The following RBM6 variants were observed in gnomAD, a reference collection of about 807,000 sequenced individuals.
RBM6 encodes RNA binding motif protein 6, also known as RNA-binding protein 6.
Under a neutral mutation model 140.4 loss-of-function variants are expected in RBM6, and 23 were observed. That is an observed-to-expected ratio of 0.16 (90% CI 0.12 to 0.23). RBM6 has a LOEUF of 0.23. RBM6 is among the 10% of genes least tolerant of loss of function. The pLI is 1.00. For missense variants in RBM6, 1,139 were observed against 1,386.7 expected (o/e 0.82, Z 2.84); for synonymous variants, 439 against 475.6 (o/e 0.92, Z 1.00).
At chr3:49,947,116 G>T (rs1326953120) in intron 1 of RBM6, among the ~76,000 whole-genome samples, 1 of 150,998 alleles carries the variant, frequency 6.6e-6, no homozygotes, top group African/African-American at 2.4e-5. Context: ...GCCGGGCGCA[G>T]TGGCAGGCGC....
In RBM6 at chr3:50,061,991, A is replaced by T. The variant is rs997315177; in HGVS notation, c.2469A>T (p.Gly823=). ...AAGTCTATGTGCCCCAGGATCCTGG[A>T]TTACCTGAGGAAGAAGAGATCAAGG... The part of the protein sequence containing the change: ...QQEVYVPQDP[G]LPEEEEIKEK... The change falls in exon 15 of 21, where the codon GGA becomes GGT. Residue 823 remains glycine, a synonymous_variant. Transcript: ENST00000266022. The T allele has an allele frequency of 1.2e-6, 2 of 1,613,962 alleles. No homozygotes were observed. Among genetic ancestry groups the T allele is most frequent in the East Asian group, 2.2e-5 (1 of 44,874 alleles).
intron 1 of RBM6, among the ~76,000 whole-genome samples, chr3:49,955,295 G>A (rs1460889968): frequency 2.0e-5 from 3 of 146,544 alleles, no homozygotes; most frequent in Non-Finnish European, 3.0e-5. Flanking sequence ...CTCAACCTCT[G>A]CAGTATTTGG....
chr3:49,954,439 CAAAAAA>C (rs529547115), intron 1 of RBM6, among the ~76,000 whole-genome samples: 1 of 80,390 alleles, frequency 1.2e-5, no homozygotes, highest in African/African-American at 4.8e-5. Flanking sequence ...GACTCCATCT[CAAAAAA>C]AAAAAAAAAA....
intron 15 of RBM6, among the ~76,000 whole-genome samples, chr3:50,062,575 C>T (rs1439903083): frequency 6.6e-6 from 1 of 151,710 alleles, no homozygotes; most frequent in Non-Finnish European, 1.5e-5. Flanking sequence ...TCTTATATCC[C>T]AACTCTCTCT....
At chr3:50,038,627 C>T (rs1422387347) in intron 6 of RBM6, among the ~76,000 whole-genome samples, 20 of 152,042 alleles carry the variant, frequency 1.3e-4, no homozygotes, top group African/African-American at 4.3e-4. Context: ...GTCCGGAGAT[C>T]GAGAACATCC....
At chr3:49,993,365 G>A (rs2085917704) in intron 5 of RBM6, among the ~76,000 whole-genome samples, 1 of 152,162 alleles carries the variant, frequency 6.6e-6, no homozygotes, top group South Asian at 2.1e-4. Flanking sequence ...TGAAAATTTA[G>A]GTCAGGTGGC....
chr3:49,979,709 A>T (rs1431621278), intron 5 of RBM6, among the ~76,000 whole-genome samples: 1 of 151,954 alleles, frequency 6.6e-6, no homozygotes, highest in Non-Finnish European at 1.5e-5. Flanking sequence ...CCAAAGAGCT[A>T]GCATTACAGG....
At chr3:50,038,442 T>C (rs1403010753) in intron 6 of RBM6, among the ~76,000 whole-genome samples, 2 of 152,230 alleles carry the variant, frequency 1.3e-5, no homozygotes, top group African/African-American at 2.4e-5. Context: ...CAATGAAGCA[T>C]GCCTTGATGT....
chr3:49,959,130 A>G (rs1021220111), intron 1 of RBM6, among the ~76,000 whole-genome samples: 2 of 149,222 alleles, frequency 1.3e-5, no homozygotes, highest in Non-Finnish European at 3.0e-5. Context: ...CAAGGTCTGT[A>G]TAGTGGTAAT....
chr3:49,965,074 GATATTTTAT>G (rs1416551098), intron 2 of RBM6, among the ~76,000 whole-genome samples: 1 of 152,076 alleles, frequency 6.6e-6, no homozygotes, highest in Non-Finnish European at 1.5e-5. Context: ...CATAACTACT[GATATTTTAT>G]ATTAGTAGAA....
intron 1 of RBM6, among the ~76,000 whole-genome samples, chr3:49,950,769 A>G (rs951857390): frequency 6.6e-6 from 1 of 152,056 alleles, no homozygotes; most frequent in African/African-American, 2.4e-5. Flanking sequence ...AAAAAACAGA[A>G]AGAATGAAAG....
At chr3:49,942,976 A>G (rs1342316394) in intron 1 of RBM6, among the ~76,000 whole-genome samples, 3 of 152,240 alleles carry the variant, frequency 2.0e-5, no homozygotes, top group Non-Finnish European at 4.4e-5. Flanking sequence ...TAGGTACTGC[A>G]AATACTAAAT....
rs570712204 is a variant in RBM6 at position 50,015,905 on chromosome 3, T to C, written c.1557+16392T>C. Reference sequence around the variant, plus strand: ...TGATTGAATCAGACTAGTTAACATATCCATCACCTCATGTAGTTATTTCTT... The same window carrying C: ...TGATTGAATCAGACTAGTTAACATACCCATCACCTCATGTAGTTATTTCTT... On this transcript the variant is annotated intron_variant, in intron 6 of 20. Coordinates refer to ENST00000266022, the MANE Select transcript of RBM6 (RefSeq NM_005777.3). 5.9e-5 allele frequency among the ~76,000 whole-genome samples: 9 copies of C among 152,334 alleles called. No homozygotes were observed. The South Asian group carries it at 1.9e-3, about 32-fold the overall frequency.
Position 50,061,006 on chromosome 3 carries a change from G to A in RBM6, c.2271+8G>A. 1 of 1,593,342 alleles carries A rather than the reference G, an allele frequency of 6.3e-7. No homozygotes were observed. Among genetic ancestry groups the A allele is most frequent in the East Asian group, 2.2e-5 (1 of 44,702 alleles). On this transcript the variant is annotated splice_region_variant and intron_variant, in intron 12 of 20. Coordinates refer to ENST00000266022, the MANE Select transcript of RBM6 (RefSeq NM_005777.3). ...CACATGCATTACTATCAGGTAGGCT[G>A]TAACAGGTGGGGAGTGCTCTATTAA...
chr3:49,966,173 C>G (rs1407602917), intron 2 of RBM6, among the ~76,000 whole-genome samples: 1 of 152,192 alleles, frequency 6.6e-6, no homozygotes, highest in African/African-American at 2.4e-5. Flanking sequence ...GCAACTATTT[C>G]TCTTGAACTG....
intron 6 of RBM6, among the ~76,000 whole-genome samples, chr3:50,034,117 G>T (rs2088358575): frequency 7.0e-6 from 1 of 143,030 alleles, no homozygotes. Flanking sequence ...TTCTGAGACA[G>T]GGTTTCACTC....
chr3:50,026,536 C>A (rs887034163), intron 6 of RBM6, among the ~76,000 whole-genome samples: 1 of 151,210 alleles, frequency 6.6e-6, no homozygotes, highest in African/African-American at 2.4e-5. Context: ...TGCACCACCA[C>A]GTCTGGCTAA....
intron 6 of RBM6, among the ~76,000 whole-genome samples, chr3:50,021,906 T>C (rs9861216): frequency 0.53 from 79,878 of 150,840 alleles, 21,784 homozygotes; most frequent in East Asian, 0.86. Flanking sequence ...TTGTGTGTTA[T>C]TTAGAAGCAT....
In RBM6 at chr3:49,968,725, C is replaced by T; in HGVS notation, c.1300C>T (p.Arg434Ter). The T allele has an allele frequency of 6.2e-7, 1 of 1,609,592 alleles. No individual in the cohort carries two copies. ...GTCTTTTCCAGAGGGCAAAACTGCC[C>T]GAGATGCCCAACGGGACCTTCAGGT... The part of the protein sequence containing the change: ...SKSFPEGKTA[R>*]DAQRDLQDQD... The change falls in exon 3 of 21, where the codon CGA (arginine) becomes TGA (stop). Residue 434 changes from arginine to a stop codon, truncating the protein, a stop_gained. Coordinates refer to ENST00000266022, the MANE Select transcript of RBM6 (RefSeq NM_005777.3). LOFTEE classifies it high-confidence loss of function.
Sources: allele counts gnomAD v4.1 joint callset (sites outside exome capture counted in the v4.1 genomes callset), GRCh38; gene constraint gnomAD v4.1.1; transcripts MANE v1.5; gene names NCBI Gene and HGNC (gene_info 2026-07-23, HGNC 2026-07-21).